The following GIPR variants were observed in gnomAD, a reference collection of about 807,000 sequenced individuals.
The protein encoded by GIPR is gastric inhibitory polypeptide receptor.
GIPR carries 74 observed loss-of-function variants against 62.2 expected under a neutral mutation model. That is an observed-to-expected ratio of 1.19 (90% CI 0.99 to 1.44). GIPR has a LOEUF of 1.44. Ranked by LOEUF, GIPR falls within the 40% of genes most tolerant of loss-of-function variation. The pLI is 0.00. For synonymous variants in GIPR, 256 were observed against 262.2 expected, an observed-to-expected ratio of 0.98 and a Z score of 0.23; for missense variants, 664 against 611.8, an observed-to-expected ratio of 1.09 and a Z score of -0.90.
In GIPR at chr19:45,681,779, C is replaced by T; in HGVS notation, c.1245C>T (p.Ser415=). 1.9e-6 allele frequency: 3 copies of T among 1,599,392 alleles called. No individual in the cohort carries two copies. The highest frequency in any genetic ancestry group is 2.2e-5 in the South Asian group (2 of 89,778). Residue 415 remains serine (S), a synonymous_variant, in exon 14 of 14, where the codon AGC becomes AGT. Coordinates refer to ENST00000590918, the MANE Select transcript of GIPR (RefSeq NM_000164.4). The stretch of plus-strand genomic sequence containing the variant: ...GGCACCACTGCCGCCTGCGCCGCAG[C>T]CTGGGCGAGGAGCAACGCCAGCTCC... ...RGWHHCRLRR[S]LGEEQRQLPE...
chr19:45,682,040 A>G lies in GIPR; in HGVS notation c.*105A>G. The G allele has an allele frequency of 2.0e-6, 2 of 994,184 alleles. No individual in the cohort carries two copies. Among genetic ancestry groups the G allele is most frequent in the Non-Finnish European group, 3.1e-6 (2 of 647,366 alleles). The allele number at this position is 994,184 out of a possible 1,614,324, so 61.6% of individuals were successfully genotyped here. On this transcript the variant is annotated 3_prime_UTR_variant, in exon 14 of 14. Transcript: ENST00000590918. Reference sequence around the variant, plus strand: ...CTGGGGAAATGGTGAAGGAAACAGAAAAAAGGTCCCTGCCCTTCTGGAGAT... The same window carrying G: ...CTGGGGAAATGGTGAAGGAAACAGAGAAAAGGTCCCTGCCCTTCTGGAGAT...
chr19:45,671,479 G>T, intron 4 of GIPR, 87 bp downstream of exon 4: 1 of 828,332 alleles, frequency 1.2e-6, no homozygotes, highest in Non-Finnish European at 2.1e-6. Flanking sequence ...GAGTCCCACA[G>T]CTCACCTGCA....
rs1213805957 is a variant in GIPR at position 45,669,571 on chromosome 19, G to C, written c.51G>C (p.Gly17=). The C allele has an allele frequency of 1.9e-6, 3 of 1,581,112 alleles. No individual in the cohort carries two copies. The South Asian group carries it at 3.5e-5, about 18-fold the overall frequency. ...LQLLLRLSLC[G]LLLQRAETGS... ...TGCTGCTGCGGCTCTCACTGTGCGG[G>C]CTGCTGCTCCAGAGGGCGGAGGTGA... The change falls in exon 2 of 14, where the codon GGG becomes GGC. Residue 17 remains glycine, a synonymous_variant. Coordinates refer to ENST00000590918, the MANE Select transcript of GIPR (RefSeq NM_000164.4).
rs1034847886 is a variant in GIPR at position 45,682,711 on chromosome 19, T to G, written c.*776T>G. 23 of 151,414 alleles carry G rather than the reference T, an allele frequency of 1.5e-4. No individual in the cohort carries two copies. Among genetic ancestry groups the G allele is most frequent in the African/African-American group, 5.1e-4 (21 of 41,190 alleles). 9.4% of individuals were successfully genotyped at this position (151,414 alleles called of 1,614,324 possible). On this transcript the variant is annotated 3_prime_UTR_variant, in exon 14 of 14. Transcript: ENST00000590918. ...GGCACCGCCACCATGCCTGGCTAAT[T>G]TTTGCATTTTCAGTAGAGATAGGGT...
chr19:45,676,372 GTTTTGT>G (rs770471915), intron 7 of GIPR, among the ~76,000 whole-genome samples: 20 of 146,928 alleles, frequency 1.4e-4, no homozygotes, highest in Non-Finnish European at 2.3e-4. Context: ...ATTATTTTTT[GTTTTGT>G]TTTTGTTTGT....
chr19:45,669,420 G>A, intron 1 of GIPR, 57 bp from the exon 2 acceptor site: 2 of 1,494,674 alleles, frequency 1.3e-6, no homozygotes, highest in Non-Finnish European at 9.0e-7. Context: ...GAGGCGGGGT[G>A]ACGCTGGGGT....
chr19:45,678,791 T>C (rs560067387), intron 12 of GIPR, among the ~76,000 whole-genome samples: 1 of 152,378 alleles, frequency 6.6e-6, no homozygotes, highest in East Asian at 1.9e-4. Flanking sequence ...GCTTCGAAGC[T>C]GGACACAGCT....
chr19:45,674,301 G>A (rs1226749001), intron 6 of GIPR, 124 bp downstream of exon 6: 6 of 768,124 alleles, frequency 7.8e-6, no homozygotes, highest in South Asian at 1.4e-5. Flanking sequence ...GGGGAGCAGT[G>A]GGGGTGGTTA....
Position 45,674,781 on chromosome 19 carries a change from A to C in GIPR, c.588A>C (p.Arg196=). The change falls in exon 7 of 14, where the codon CGA becomes CGC. Residue 196 remains arginine, a synonymous_variant. Coordinates refer to ENST00000590918, the MANE Select transcript of GIPR (RefSeq NM_000164.4). ...TCAGCCGAGACCGTCTGCTACCTCG[A>C]CCTGGCCCCTACCTTGGGGACCAGG... ...AILSRDRLLP[R]PGPYLGDQAL... is the part of the protein sequence containing the mutation. The C allele has an allele frequency of 6.2e-7, 1 of 1,613,752 alleles. No individual in the cohort carries two copies.
intron 12 of GIPR, among the ~76,000 whole-genome samples, chr19:45,679,485 A>G (rs1482105312): frequency 1.3e-5 from 2 of 148,198 alleles, no homozygotes; most frequent in Non-Finnish European, 3.0e-5. Context: ...TGTCTCAAGA[A>G]AAAAAAAAAA....
Position 45,669,593 on chromosome 19 carries a change from G to T in GIPR, c.72+1G>T. 1 of 1,577,238 alleles carries T rather than the reference G, an allele frequency of 6.3e-7. No individual in the cohort carries two copies. Among genetic ancestry groups the T allele is most frequent in the Non-Finnish European group, 8.6e-7 (1 of 1,165,070 alleles). Reference sequence around the variant, plus strand: ...CGGGCTGCTGCTCCAGAGGGCGGAGGTGAGGAAGCGAGGAGCCAGAGGAGC... The same window carrying T: ...CGGGCTGCTGCTCCAGAGGGCGGAGTTGAGGAAGCGAGGAGCCAGAGGAGC... On this transcript the variant is annotated splice_donor_variant, in intron 2 of 13. Coordinates refer to ENST00000590918, the MANE Select transcript of GIPR (RefSeq NM_000164.4). LOFTEE classifies it high-confidence loss of function.
Position 45,681,921 on chromosome 19 carries a change from G to T in GIPR, c.1387G>T (p.Glu463Ter), listed in dbSNP as rs13306395. 6 of 1,559,826 alleles carry T rather than the reference G, an allele frequency of 3.8e-6. No homozygotes were observed. The East Asian group carries it at 1.4e-4, about 37-fold the overall frequency. ...GPGNEASREL[E>*]SYC ...TGGGAATGAGGCCAGCCGGGAGTTG[G>T]AAAGTTACTGCTAGGGGGCGGGATC... The change falls in exon 14 of 14, where the codon GAA (glutamate) becomes TAA (stop). Residue 463 changes from glutamate to a stop codon, truncating the protein, a stop_gained. Coordinates refer to ENST00000590918, the MANE Select transcript of GIPR (RefSeq NM_000164.4). LOFTEE classifies it high-confidence loss of function.
At chr19:45,678,754 A>T (rs187314825) in intron 12 of GIPR, among the ~76,000 whole-genome samples, 1 of 152,374 alleles carries the variant, frequency 6.6e-6, no homozygotes, top group Non-Finnish European at 1.5e-5. Flanking sequence ...CGGCCCCAGC[A>T]GTGCTGCCTG....
chr19:45,671,536 G>C (rs1235200238), intron 4 of GIPR, 144 bp downstream of exon 4: 12 of 673,586 alleles, frequency 1.8e-5, no homozygotes, highest in Non-Finnish European at 3.3e-5. Flanking sequence ...CGGCAGGCTG[G>C]GTTTCTCCTG....
Position 45,674,702 on chromosome 19 carries a change from A to G in GIPR, c.509A>G (p.Asn170Ser). 1 of 1,613,930 alleles carries G rather than the reference A, an allele frequency of 6.2e-7. No homozygotes were observed. Among genetic ancestry groups the G allele is most frequent in the South Asian group, 1.1e-5 (1 of 91,062 alleles). ...SLFRRLHCTR[N>S]YIHINLFTSF... ...CCTAGGCGGCTACATTGCACTAGAAACTATATCCACATCAACCTGTTCACG... is the reference window on the plus strand; with the variant it reads ...CCTAGGCGGCTACATTGCACTAGAAGCTATATCCACATCAACCTGTTCACG... The change falls in exon 7 of 14, where the codon AAC (asparagine) becomes AGC (serine). Residue 170 changes from asparagine (N) to serine (S), a missense_variant. Physicochemically the swap from Asn to Ser is conservative, Grantham distance 46. Coordinates refer to ENST00000590918, the MANE Select transcript of GIPR (RefSeq NM_000164.4).
rs557190617 is a variant in GIPR, at chr19:45,683,630, T to A, written c.*1695T>A. 2 of 152,402 alleles carry A rather than the reference T, an allele frequency of 1.3e-5. No homozygotes were observed. 9.4% of individuals were successfully genotyped at this position (152,402 alleles called of 1,614,324 possible). ...CTCAGCCTTTTCAAGCTTGCGGCCC[T>A]GCTGCCCAATTCCCCTACACCCTGC... is the stretch of plus-strand genomic sequence containing the variant. On this transcript the variant is annotated 3_prime_UTR_variant, in exon 14 of 14. Transcript: ENST00000590918.
intron 4 of GIPR, among the ~76,000 whole-genome samples, chr19:45,672,226 G>A (rs1311201513): frequency 2.7e-5 from 4 of 149,920 alleles, no homozygotes; most frequent in African/African-American, 9.8e-5. Flanking sequence ...ATGTTACCCA[G>A]GCTGGTCTTA....
intron 7 of GIPR, among the ~76,000 whole-genome samples, chr19:45,675,820 C>A (rs906408406): frequency 6.6e-6 from 1 of 151,656 alleles, no homozygotes; most frequent in Non-Finnish European, 1.5e-5. Flanking sequence ...TCCATCAGGT[C>A]GAGGCTGCAG....
chr19:45,670,562 C>T, intron 2 of GIPR, 73 bp from the exon 3 acceptor site: 2 of 1,039,890 alleles, frequency 1.9e-6, no homozygotes, highest in Non-Finnish European at 3.0e-6. Flanking sequence ...TGGGGCGCTT[C>T]TGGGCCACAT....
Sources: allele counts gnomAD v4.1 joint callset (sites outside exome capture counted in the v4.1 genomes callset), GRCh38; gene constraint gnomAD v4.1.1; transcripts MANE v1.5; gene names NCBI Gene and HGNC (gene_info 2026-07-23, HGNC 2026-07-21).